The following ROBO2 variants were observed in gnomAD, a reference collection of about 807,000 sequenced individuals.
ROBO2 encodes roundabout guidance receptor 2, also known as roundabout homolog 2.
A neutral mutation model predicts 160.8 loss-of-function variants in ROBO2; 53 were observed. The observed-to-expected ratio is 0.33, with a 90% CI of 0.26 to 0.41. The LOEUF is 0.41. Among genes scored for constraint, ROBO2 ranks in the 10% least tolerant of loss-of-function variants. ROBO2 has a pLI of 1.00. For missense variants in ROBO2, 1,577 were observed against 1,722.4 expected (o/e 0.92, Z 1.49); for synonymous variants, 664 against 611.7 (o/e 1.09, Z -1.26).
intron 19 of ROBO2, among the ~76,000 whole-genome samples, chr3:77,600,531 G>T (rs1583207024): frequency 1.3e-5 from 2 of 152,292 alleles, no homozygotes; most frequent in Admixed American, 6.5e-5. Context: ...CATTTGAAAA[G>T]CTTGCCATCG....
At chr3:76,080,141 A>G (rs2068774827) in intron 2 of ROBO2, among the ~76,000 whole-genome samples, 1 of 152,216 alleles carries the variant, frequency 6.6e-6, no homozygotes, top group Admixed American at 6.5e-5. Flanking sequence ...ACAGTGATTT[A>G]GTGAGGACCA....
At chr3:76,754,520 A>G (rs1371664553) in intron 2 of ROBO2, among the ~76,000 whole-genome samples, 1 of 151,912 alleles carries the variant, frequency 6.6e-6, no homozygotes, top group Non-Finnish European at 1.5e-5. Flanking sequence ...CAAATAGTTG[A>G]ATAAATCACA....
rs548981239 is a variant in ROBO2, at chr3:76,088,429, C to T, written c.109+150827C>T. Among the ~76,000 whole-genome samples the T allele has an allele frequency of 2.0e-5, 3 of 152,054 alleles. No individual in the cohort carries two copies. The East Asian group carries it at 5.8e-4, about 29-fold the overall frequency. The stretch of plus-strand genomic sequence containing the variant: ...ATAGCGTATTACACAGCCTTTCAAG[C>T]TCACATAGAAGGTTCACCAAGATAG... On this transcript the variant is annotated intron_variant, in intron 2 of 26. Coordinates refer to the ROBO2 transcript ENST00000487694.
chr3:76,619,220 G>GT (rs1337297497), intron 2 of ROBO2, among the ~76,000 whole-genome samples: 1 of 151,390 alleles, frequency 6.6e-6, no homozygotes, highest in Non-Finnish European at 1.5e-5. Flanking sequence ...GGCGCCTGTA[G>GT]TCCCAGCTAC....
chr3:76,772,489 AC>A (rs2061969429), intron 2 of ROBO2, among the ~76,000 whole-genome samples: 1 of 139,918 alleles, frequency 7.1e-6, no homozygotes, highest in Non-Finnish European at 1.6e-5. Context: ...TTCTCTCCCC[AC>A]CCCTGACATT....
chr3:76,256,939 G>T (rs1421887757), intron 2 of ROBO2, among the ~76,000 whole-genome samples: 1 of 151,868 alleles, frequency 6.6e-6, no homozygotes, highest in Non-Finnish European at 1.5e-5. Flanking sequence ...GTGGGGCGGG[G>T]AGGGACCACA....
At chr3:76,641,034 T>C (rs1328597949) in intron 2 of ROBO2, among the ~76,000 whole-genome samples, 1 of 152,174 alleles carries the variant, frequency 6.6e-6, no homozygotes, top group Non-Finnish European at 1.5e-5. Context: ...CTTATAAAAA[T>C]ATTCTAATCA....
intron 2 of ROBO2, among the ~76,000 whole-genome samples, chr3:77,227,385 A>G (rs2086621054): frequency 2.0e-5 from 3 of 152,194 alleles, no homozygotes; most frequent in Admixed American, 2.0e-4. Flanking sequence ...ACCTTCAACT[A>G]TATTATTTTT....
intron 2 of ROBO2, among the ~76,000 whole-genome samples, chr3:76,964,391 A>C (rs1013586748): frequency 6.6e-6 from 1 of 152,068 alleles, no homozygotes; most frequent in Non-Finnish European, 1.5e-5. Context: ...TGCCCAAACT[A>C]GAGCGCAGTG....
chr3:77,234,129 T>C (rs899944523), intron 2 of ROBO2, among the ~76,000 whole-genome samples: 4 of 152,200 alleles, frequency 2.6e-5, no homozygotes, highest in African/African-American at 4.8e-5. Context: ...ATTAAATATG[T>C]AATATTGCTT....
At chr3:76,456,041 G>A (rs2077734409) in intron 2 of ROBO2, among the ~76,000 whole-genome samples, 1 of 152,134 alleles carries the variant, frequency 6.6e-6, no homozygotes, top group Admixed American at 6.6e-5. Flanking sequence ...TCATTAGCAT[G>A]TTTAGACTAC....
At chr3:77,329,435 A>C (rs1409328631) in intron 2 of ROBO2, among the ~76,000 whole-genome samples, 1 of 152,214 alleles carries the variant, frequency 6.6e-6, no homozygotes, top group Non-Finnish European at 1.5e-5. Context: ...GTTTAGGCTA[A>C]TGACATAACG....
chr3:76,806,936 C>G (rs940948344), intron 2 of ROBO2, among the ~76,000 whole-genome samples: 6 of 151,944 alleles, frequency 3.9e-5, no homozygotes, highest in African/African-American at 1.4e-4. Flanking sequence ...TGAATCTTGA[C>G]TTGTGATTTG....
chr3:76,212,927 A>G (rs576381338), intron 2 of ROBO2, among the ~76,000 whole-genome samples: 8 of 28,760 alleles, frequency 2.8e-4, no homozygotes, highest in Admixed American at 7.1e-4. Flanking sequence ...CACTTTTGGT[A>G]TTTGGCTTTC....
At chr3:76,591,914 TGAG>T (rs1404165506) in intron 2 of ROBO2, among the ~76,000 whole-genome samples, 2 of 152,142 alleles carry the variant, frequency 1.3e-5, no homozygotes, top group Non-Finnish European at 2.9e-5. Context: ...CCATGTAATA[TGAG>T]GATTTAGCTA....
At chr3:76,711,732 C>G (rs1181418960) in intron 2 of ROBO2, among the ~76,000 whole-genome samples, 1 of 152,160 alleles carries the variant, frequency 6.6e-6, no homozygotes, top group Non-Finnish European at 1.5e-5. Context: ...CACCATGCTG[C>G]TTCTCACTTA....
At chr3:77,033,542 A>G (rs1287742140) in intron 2 of ROBO2, among the ~76,000 whole-genome samples, 4 of 152,236 alleles carry the variant, frequency 2.6e-5, no homozygotes, top group African/African-American at 9.6e-5. Flanking sequence ...TTAAGTTACA[A>G]CCTGGACCTA....
chr3:75,943,335 G>T (rs887569516), intron 2 of ROBO2, among the ~76,000 whole-genome samples: 1 of 152,026 alleles, frequency 6.6e-6, no homozygotes, highest in Admixed American at 6.6e-5. Context: ...CCTAATGAAG[G>T]TTTTCTCATC....
At chr3:76,075,485 G>A (rs1391836888) in intron 2 of ROBO2, among the ~76,000 whole-genome samples, 1 of 63,086 alleles carries the variant, frequency 1.6e-5, no homozygotes, top group Non-Finnish European at 3.3e-5. Flanking sequence ...TTTTTTTTTT[G>A]CTAGGGTTCC....
Sources: allele counts gnomAD v4.1 joint callset (sites outside exome capture counted in the v4.1 genomes callset), GRCh38; gene constraint gnomAD v4.1.1; transcripts MANE v1.5; gene names NCBI Gene and HGNC (gene_info 2026-07-23, HGNC 2026-07-21).